Variants in NRCAM observed in about 807,000 individuals in gnomAD.
NRCAM encodes neuronal cell adhesion molecule.
In NRCAM, 83 loss-of-function variants were observed where a neutral mutation model predicts 156.5. The ratio of observed to expected loss-of-function variants is 0.53; its 90% CI spans 0.44 to 0.64. The LOEUF (loss-of-function observed/expected upper bound fraction) is 0.64. NRCAM is among the 30% of genes least tolerant of loss of function. The pLI, the probability that NRCAM is intolerant of heterozygous loss-of-function variation, is 0.00. For synonymous variants in NRCAM, 538 were observed against 563.9 expected (o/e 0.95, Z 0.65); for missense variants, 1,417 against 1,597.3 (o/e 0.89, Z 1.92).
intron 4 of NRCAM, among the ~76,000 whole-genome samples, chr7:108,239,290 CAT>C (rs1489789313): frequency 2.0e-5 from 3 of 152,198 alleles, no homozygotes; most frequent in Middle Eastern, 3.4e-3. Context: ...TAGTGCTTTG[CAT>C]ATTACTTGTA....
rs114406719 is a variant in NRCAM at position 108,348,972 on chromosome 7, G to C, written c.-173-36241C>G. On this transcript the variant is annotated intron_variant, in intron 2 of 32. Coordinates refer to ENST00000379028, the MANE Select transcript of NRCAM (RefSeq NM_001037132.4). ...CAAGGAATGTATGAGCTATCAGGAT[G>C]GGGGGGAATGTATTGGCAAGACAGG... is the stretch of plus-strand genomic sequence containing the variant. 2.6e-5 allele frequency among the ~76,000 whole-genome samples: 4 copies of C among 151,796 alleles called. No homozygotes were observed. In the East Asian group the frequency reaches 5.8e-4, roughly 22 times the overall value.
intron 1 of NRCAM, among the ~76,000 whole-genome samples, chr7:108,401,683 T>C (rs1369514492): frequency 6.6e-6 from 1 of 152,206 alleles, no homozygotes; most frequent in African/African-American, 2.4e-5. Flanking sequence ...AATGTATCAA[T>C]GAGGGAACTG....
chr7:108,421,664 G>A (rs1366926383), intron 1 of NRCAM, among the ~76,000 whole-genome samples: 3 of 152,162 alleles, frequency 2.0e-5, no homozygotes, highest in Non-Finnish European at 4.4e-5. Flanking sequence ...AAAGAGGCAG[G>A]TATTGTTTTC....
intron 2 of NRCAM, among the ~76,000 whole-genome samples, chr7:108,341,423 T>C (rs2099275907): frequency 2.0e-5 from 3 of 152,210 alleles, no homozygotes; most frequent in Non-Finnish European, 4.4e-5. Context: ...AGCCAGTCAC[T>C]TGATACTTCT....
chr7:108,237,787 T>C lies in NRCAM; in HGVS notation c.107-18A>G, dbSNP rs1048498473. 3.8e-6 allele frequency: 6 copies of C among 1,587,726 alleles called. No individual in the cohort carries two copies. The highest frequency in any genetic ancestry group is 3.3e-4 in the Middle Eastern group (2 of 6,002). ...AAGTTTTGCTTTTTCCCCATCAATA[T>C]CAGCAGGTAAGTGGGCAAAGAGGAT... is the stretch of plus-strand genomic sequence containing the variant. On this transcript the variant is annotated intron_variant, in intron 4 of 32. Transcript: ENST00000379028.
chr7:108,308,333 AAC>A (rs2154173637), intron 3 of NRCAM, among the ~76,000 whole-genome samples: 1 of 152,364 alleles, frequency 6.6e-6, no homozygotes, highest in African/African-American at 2.4e-5. Flanking sequence ...AATCCCAGAA[AAC>A]AGTTAAGAAC....
chr7:108,408,105 TTC>T (rs749288561), intron 1 of NRCAM, among the ~76,000 whole-genome samples: 3 of 152,212 alleles, frequency 2.0e-5, no homozygotes, highest in Non-Finnish European at 4.4e-5. Context: ...CAGATTTGTT[TTC>T]TTTTTTTAAA....
At chr7:108,238,526 T>G (rs2095293565) in intron 4 of NRCAM, among the ~76,000 whole-genome samples, 1 of 152,210 alleles carries the variant, frequency 6.6e-6, no homozygotes, top group Non-Finnish European at 1.5e-5. Flanking sequence ...TCTGTGACTT[T>G]CTTTTCATCA....
chr7:108,228,756 C>A (rs2093874454), intron 8 of NRCAM, among the ~76,000 whole-genome samples: 1 of 152,070 alleles, frequency 6.6e-6, no homozygotes. Context: ...AAATATTGAG[C>A]CTTATTTTGG....
At chr7:108,382,665 G>A (rs556859778) in intron 2 of NRCAM, among the ~76,000 whole-genome samples, 1 of 152,204 alleles carries the variant, frequency 6.6e-6, no homozygotes, top group East Asian at 1.9e-4. Context: ...GCAATCTGTA[G>A]AGGTACCCTG....
At chr7:108,420,144 T>C (rs1400661888) in intron 1 of NRCAM, among the ~76,000 whole-genome samples, 1 of 152,050 alleles carries the variant, frequency 6.6e-6, no homozygotes, top group African/African-American at 2.4e-5. Context: ...AGTTAAGGAA[T>C]CTGGGAAAGA....
chr7:108,297,136 T>A (rs1367986665), intron 3 of NRCAM, among the ~76,000 whole-genome samples: 1 of 152,222 alleles, frequency 6.6e-6, no homozygotes, highest in Non-Finnish European at 1.5e-5. Flanking sequence ...CCTGTGTTTG[T>A]CAGTAGGATA....
At chr7:108,262,663 G>A (rs2096929751) in intron 3 of NRCAM, among the ~76,000 whole-genome samples, 1 of 152,236 alleles carries the variant, frequency 6.6e-6, no homozygotes, top group Admixed American at 6.5e-5. Context: ...GGCATGACCT[G>A]TAGATGTGCA....
intron 2 of NRCAM, among the ~76,000 whole-genome samples, chr7:108,372,021 T>C (rs1243931023): frequency 1.3e-5 from 2 of 152,010 alleles, no homozygotes; most frequent in African/African-American, 2.4e-5. Flanking sequence ...AAGAAATACA[T>C]ATAGGCCAAT....
chr7:108,395,433 T>A (rs568104190), intron 2 of NRCAM, among the ~76,000 whole-genome samples: 1 of 152,224 alleles, frequency 6.6e-6, no homozygotes, highest in Non-Finnish European at 1.5e-5. Flanking sequence ...TATGATGGGA[T>A]TGAATTTGTA....
chr7:108,151,551 A>G (rs560677435), intron 32 of NRCAM, among the ~76,000 whole-genome samples: 2 of 152,348 alleles, frequency 1.3e-5, no homozygotes, highest in East Asian at 3.9e-4. Flanking sequence ...TAATGCTAGC[A>G]TAATATGACA....
chr7:108,164,547 C>CCAGCAGGAGGAGAG (rs145160841), intron 30 of NRCAM, among the ~76,000 whole-genome samples: 1 of 145,736 alleles, frequency 6.9e-6, no homozygotes, highest in African/African-American at 2.7e-5. Flanking sequence ...ACCGCGGAAC[C>CCAGCAGGAGGAGAG]GAGAGGAGAG....
At chr7:108,242,025 G>GC (rs2095560804) in intron 3 of NRCAM, among the ~76,000 whole-genome samples, 1 of 151,978 alleles carries the variant, frequency 6.6e-6, no homozygotes, top group Admixed American at 6.6e-5. Flanking sequence ...TGTAATCCAA[G>GC]CATTTTGGGA....
intron 1 of NRCAM, among the ~76,000 whole-genome samples, chr7:108,453,825 G>A (rs1202153357): frequency 6.6e-6 from 1 of 151,998 alleles, no homozygotes; most frequent in Non-Finnish European, 1.5e-5. Context: ...TTTTTTACTA[G>A]TTAACATGGA....
Sources: gnomAD v4.1 joint callset for allele counts (sites outside exome capture counted in the v4.1 genomes callset) on GRCh38, gnomAD v4.1.1 for gene constraint, MANE v1.5 for transcripts, NCBI Gene and HGNC (gene_info 2026-07-23, HGNC 2026-07-21) for gene names.